SLC45A4: variants seen among roughly 807,000 people sequenced by gnomAD.
The protein encoded by SLC45A4 is solute carrier family 45 member 4.
A neutral mutation model predicts 63.7 loss-of-function variants in SLC45A4; 32 were observed. The observed-to-expected ratio is 0.50, with a 90% CI of 0.38 to 0.67. The LOEUF is 0.67. Among genes scored for constraint, SLC45A4 ranks in the 30% least tolerant of loss-of-function variants. The pLI is 0.00. For synonymous variants in SLC45A4, 535 were observed against 510.0 expected, an observed-to-expected ratio of 1.05 and a Z score of -0.66; for missense variants, 1,027 against 1,157.7, an observed-to-expected ratio of 0.89 and a Z score of 1.64.
At chr8:141,255,589 G>A (rs1187763086) in intron 1 of SLC45A4, among the ~76,000 whole-genome samples, 3 of 152,092 alleles carry the variant, frequency 2.0e-5, no homozygotes, top group Non-Finnish European at 4.4e-5. Context: ...GGTGGCGGGC[G>A]CCTGTAATAC....
chr8:141,286,647 C>A (rs1039172097), intron 1 of SLC45A4, among the ~76,000 whole-genome samples: 2 of 151,850 alleles, frequency 1.3e-5, no homozygotes, highest in Admixed American at 1.3e-4. Flanking sequence ...AGAAATGTGA[C>A]CCCCTGTTAT....
chr8:141,231,947 G>A (rs1827376687), intron 2 of SLC45A4, among the ~76,000 whole-genome samples: 1 of 152,244 alleles, frequency 6.6e-6, no homozygotes, highest in African/African-American at 2.4e-5. Flanking sequence ...GGCACTGGAA[G>A]GTAGTGCCTG....
At chr8:141,294,115 G>A (rs1010877791) in intron 1 of SLC45A4, among the ~76,000 whole-genome samples, 16 of 152,188 alleles carry the variant, frequency 1.1e-4, no homozygotes, top group African/African-American at 3.6e-4. Flanking sequence ...ACCTGAGTCC[G>A]TGGCCCAGGA....
At chr8:141,283,038 C>CA (rs1435295694) in intron 1 of SLC45A4, among the ~76,000 whole-genome samples, 1 of 152,260 alleles carries the variant, frequency 6.6e-6, no homozygotes, top group African/African-American at 2.4e-5. Flanking sequence ...AAGTTTCTGG[C>CA]AAAACCTGAA....
intron 2 of SLC45A4, among the ~76,000 whole-genome samples, chr8:141,250,308 T>A (rs1010009493): frequency 6.6e-6 from 1 of 152,202 alleles, no homozygotes; most frequent in Non-Finnish European, 1.5e-5. Context: ...TTGAGTACAG[T>A]ATTCAATAAA....
chr8:141,263,713 T>C (rs59709720), intron 1 of SLC45A4, among the ~76,000 whole-genome samples: 7 of 143,038 alleles, frequency 4.9e-5, no homozygotes, highest in African/African-American at 1.8e-4. Context: ...GAGGTTGCAG[T>C]GAGCCGAAAC....
chr8:141,222,374 G>A (rs1349853347), intron 2 of SLC45A4, among the ~76,000 whole-genome samples: 2 of 152,222 alleles, frequency 1.3e-5, no homozygotes, highest in African/African-American at 2.4e-5. Context: ...TGCACCATGA[G>A]TGTCTCCAGC....
chr8:141,263,294 A>G (rs1285634397), intron 1 of SLC45A4, among the ~76,000 whole-genome samples: 2 of 152,134 alleles, frequency 1.3e-5, no homozygotes, highest in African/African-American at 2.4e-5. Context: ...CAGCACACCA[A>G]CATGGCACAT....
intron 1 of SLC45A4, among the ~76,000 whole-genome samples, chr8:141,261,810 A>G (rs1160181704): frequency 1.3e-5 from 2 of 152,250 alleles, no homozygotes; most frequent in Non-Finnish European, 2.9e-5. Context: ...AAGGTAATTT[A>G]TAGATTCAAT....
intron 1 of SLC45A4, among the ~76,000 whole-genome samples, chr8:141,257,285 T>C (rs1287758700): frequency 6.6e-6 from 1 of 152,232 alleles, no homozygotes. Context: ...AATTTCACGA[T>C]TTTCCCTGTT....
chr8:141,254,233 C>A lies in SLC45A4; in HGVS notation c.-4G>T. ...CATTCTGCGGAGCCATTTTCATTAC[C>A]ACCAAAAATATATGTATTTATCTAT... On this transcript the variant is annotated 5_prime_UTR_variant, in exon 2 of 9. Coordinates refer to ENST00000517878, the MANE Select transcript of SLC45A4 (RefSeq NM_001286646.2). The surrounding 1 kb of genome is among the most constrained non-coding windows in gnomAD (Gnocchi z 4.5). 6.5e-7 allele frequency: 1 copy of A among 1,529,240 alleles called. No homozygotes were observed. Among genetic ancestry groups the A allele is most frequent in the Non-Finnish European group, 8.8e-7 (1 of 1,142,728 alleles). The allele number at this position is 1,529,240 out of a possible 1,614,324, so 94.7% of individuals were successfully genotyped here. A position where few individuals can be genotyped will look rare whatever the true frequency, so the allele number is the denominator to read the frequency against.
Position 141,300,599 on chromosome 8 carries a change from GAACA to G in SLC45A4, c.-401+7493_-401+7496del, listed in dbSNP as rs1830708594. ...GCCTGAGACCAGCTGCCTCGCTCCG[GAACA>G]GGCACAGCGATGCCCTGTGCAGGAA... On this transcript the variant is annotated intron_variant, in intron 1 of 8. Coordinates refer to ENST00000517878, the MANE Select transcript of SLC45A4 (RefSeq NM_001286646.2). Among the ~76,000 whole-genome samples the G allele has an allele frequency of 5.3e-5, 8 of 152,344 alleles. No individual in the cohort carries two copies. In the South Asian group the frequency reaches 1.7e-3, roughly 32 times the overall value.
rs1225085908 is a variant in SLC45A4 at position 141,302,359 on chromosome 8, TCACCACCAC to T, written c.-401+5728_-401+5736del. 5.5e-5 allele frequency among the ~76,000 whole-genome samples: 8 copies of T among 145,402 alleles called. No individual in the cohort carries two copies. In the East Asian group the frequency reaches 7.7e-4, roughly 14 times the overall value. On this transcript the variant is annotated intron_variant, in intron 1 of 8. Coordinates refer to ENST00000517878, the MANE Select transcript of SLC45A4 (RefSeq NM_001286646.2). ...ACTGCAACCTCCACGCCACTCACCA[TCACCACCAC>T]CACCACCACCACCCCCATCCCCGCT...
chr8:141,273,023 T>C (rs1242538988), intron 1 of SLC45A4, among the ~76,000 whole-genome samples: 2 of 152,186 alleles, frequency 1.3e-5, no homozygotes, highest in East Asian at 3.8e-4. Flanking sequence ...TACCTAAATG[T>C]CAACAGGAAG....
At chr8:141,259,090 A>G in intron 1 of SLC45A4, among the ~76,000 whole-genome samples, 1 of 152,256 alleles carries the variant, frequency 6.6e-6, no homozygotes, top group South Asian at 2.1e-4. Context: ...TTCCTCTGAC[A>G]TGTTGGGGCT....
intron 1 of SLC45A4, among the ~76,000 whole-genome samples, chr8:141,263,882 A>G (rs775692498): frequency 3.9e-5 from 6 of 152,198 alleles, no homozygotes; most frequent in Admixed American, 1.3e-4. Flanking sequence ...ATGAATACCG[A>G]AAGATCTAGA....
chr8:141,251,769 AG>A (rs1828476788), intron 2 of SLC45A4, among the ~76,000 whole-genome samples: 12 of 151,876 alleles, frequency 7.9e-5, no homozygotes, highest in Admixed American at 7.9e-4. Flanking sequence ...GCACTGGAAA[AG>A]TAAGATGAGT....
intron 1 of SLC45A4, among the ~76,000 whole-genome samples, chr8:141,286,717 C>T (rs1830158981): frequency 6.6e-6 from 1 of 151,448 alleles, no homozygotes; most frequent in Non-Finnish European, 1.5e-5. Flanking sequence ...CACTTGTTCG[C>T]TTATCAGCAG....
intron 3 of SLC45A4, among the ~76,000 whole-genome samples, chr8:141,220,084 C>T (rs945798425): frequency 3.3e-5 from 5 of 152,208 alleles, no homozygotes; most frequent in East Asian, 1.9e-4. Context: ...AGGGTTTACG[C>T]GCCCTTGATG....
Sources: allele counts gnomAD v4.1 joint callset (sites outside exome capture counted in the v4.1 genomes callset), GRCh38; gene constraint gnomAD v4.1.1; non-coding constraint Gnocchi (gnomAD v3.1); transcripts MANE v1.5; gene names NCBI Gene and HGNC (gene_info 2026-07-23, HGNC 2026-07-21).